Variants in USP4 observed in about 807,000 individuals in gnomAD.
USP4 encodes ubiquitin carboxyl-terminal hydrolase 4.
In USP4, 72 loss-of-function variants were observed where a neutral mutation model predicts 118.2. That is an observed-to-expected ratio of 0.61 (90% confidence interval 0.50 to 0.74). The LOEUF (loss-of-function observed/expected upper bound fraction) is 0.74. Ranked by LOEUF, USP4 falls within the 30% of genes least tolerant of loss-of-function variation. The pLI is 0.00. For synonymous variants in USP4, 415 were observed against 440.4 expected (o/e 0.94, Z 0.72); for missense variants, 1,037 against 1,185.7 (o/e 0.87, Z 1.84).
intron 8 of USP4, among the ~76,000 whole-genome samples, chr3:49,307,207 G>A (rs2047327748): frequency 2.0e-5 from 3 of 152,054 alleles, no homozygotes; most frequent in Admixed American, 6.6e-5. Context: ...CAGCACTCTG[G>A]GAGGCTAAGG....
Position 49,278,888 on chromosome 3 carries a change from T to C in USP4, c.2659A>G (p.Lys887Glu). The C allele has an allele frequency of 6.2e-7, 1 of 1,611,914 alleles. No homozygotes were observed. The highest frequency in any genetic ancestry group is 1.3e-5 in the African/African-American group (1 of 74,952). ...TACCATTTACCATTCAGTTTGTTCT[T>C]CGCATATGCAGTGTCTGCCAAGTCA... ...MGVGHYTAYA[K>E]NKLNGKWYYF... The change falls in exon 21 of 22, where the codon AAG (lysine) becomes GAG (glutamate). Residue 887 changes from lysine to glutamate, a missense_variant. Transcript: ENST00000265560.
At position 49,310,610 on chromosome 3, in the gene USP4, T is replaced by A. The variant is rs757063273; in HGVS notation, c.954+10A>T. ...TGCTGTGTTATTTGAATGGAAGTTC[T>A]CTCCTCTACCTGCAAAGCGGAGTTC... On this transcript the variant is annotated intron_variant, in intron 8 of 21. Transcript: ENST00000265560. 9 of 1,608,188 alleles carry A rather than the reference T, an allele frequency of 5.6e-6. No individual in the cohort carries two copies. The East Asian group carries it at 1.8e-4, about 32-fold the overall frequency.
At position 49,294,392 on chromosome 3, in the gene USP4, A is replaced by G. The variant is rs78802370; in HGVS notation, c.1883+15T>C. On this transcript the variant is annotated intron_variant, in intron 14 of 21. Coordinates refer to ENST00000265560, the MANE Select transcript of USP4 (RefSeq NM_003363.4). ...TCATCTCAGATAACAACCAAATCACATTCCTGCCACCAACCTGATACGATC... is the reference window on the plus strand; with the variant it reads ...TCATCTCAGATAACAACCAAATCACGTTCCTGCCACCAACCTGATACGATC... The G allele has an allele frequency of 8.5e-4, 1,361 of 1,605,768 alleles. 19 individuals carry two copies. The East Asian group carries it at 0.026, about 30-fold the overall frequency.
chr3:49,337,694 C>A (rs1047937648), intron 1 of USP4, among the ~76,000 whole-genome samples: 4 of 152,016 alleles, frequency 2.6e-5, no homozygotes, highest in African/African-American at 9.7e-5. Context: ...GCCTCAGCTT[C>A]CCAAAGTGCT....
At chr3:49,327,845 C>T in intron 2 of USP4, 29 bp from the exon 3 acceptor site, 2 of 1,594,052 alleles carry the variant, frequency 1.3e-6, no homozygotes, top group Non-Finnish European at 1.7e-6. Context: ...ACATAAGTCA[C>T]TGCTCTTTAC....
intron 10 of USP4, among the ~76,000 whole-genome samples, 163 bp from the exon 11 acceptor site, chr3:49,300,854 A>T (rs2047256089): frequency 6.6e-6 from 1 of 152,090 alleles, no homozygotes; most frequent in Non-Finnish European, 1.5e-5. Context: ...AGTGTATCAT[A>T]CTCATACCAC....
intron 15 of USP4, 123 bp downstream of exon 15, chr3:49,292,387 G>T: frequency 1.9e-6 from 1 of 516,626 alleles, no homozygotes; most frequent in Non-Finnish European, 3.4e-6. Context: ...TAACTCTGCT[G>T]CTGTAGGCAG....
chr3:49,339,076 G>A (rs1299286838), intron 1 of USP4, among the ~76,000 whole-genome samples: 3 of 152,212 alleles, frequency 2.0e-5, no homozygotes, highest in Non-Finnish European at 2.9e-5. Context: ...GAACCCGGGA[G>A]GCGGAGGTTG....
intron 15 of USP4, among the ~76,000 whole-genome samples, chr3:49,292,288 GA>G (rs146147164): frequency 2.7e-3 from 287 of 107,910 alleles, no homozygotes; most frequent in East Asian, 7.0e-3. Context: ...CCCCTATCTG[GA>G]AAAAAAAAAA....
intron 13 of USP4, among the ~76,000 whole-genome samples, 183 bp from the exon 14 acceptor site, chr3:49,294,781 C>A (rs1448904853): frequency 5.3e-5 from 8 of 152,158 alleles, no homozygotes; most frequent in Non-Finnish European, 2.9e-5. Context: ...CCTAGAAGGA[C>A]CATTGTCAGC....
At chr3:49,299,825 CTGTCCTAGGTTA>C (rs1390259336) in intron 11 of USP4, among the ~76,000 whole-genome samples, 1 of 152,222 alleles carries the variant, frequency 6.6e-6, no homozygotes, top group East Asian at 1.9e-4. Flanking sequence ...TCTGTACAGG[CTGTCCTAGGTTA>C]TGTGAGGGTA....
intron 7 of USP4, among the ~76,000 whole-genome samples, chr3:49,311,258 A>AC (rs534404209): frequency 6.6e-5 from 10 of 151,308 alleles, no homozygotes; most frequent in East Asian, 3.9e-4. Flanking sequence ...AAATGCAGTG[A>AC]CCCCCCCACC....
At chr3:49,299,633 C>A (rs1448994197) in intron 11 of USP4, among the ~76,000 whole-genome samples, 1 of 152,028 alleles carries the variant, frequency 6.6e-6, no homozygotes, top group Non-Finnish European at 1.5e-5. Flanking sequence ...ACCTCGTGAT[C>A]TGCCCGCCTC....
Position 49,311,599 on chromosome 3 carries a change from GACTTGCTGATGATTTTGGAGAGGT to G in USP4, c.727_750del (p.Thr243_Ser250del). The G allele has an allele frequency of 3.1e-6, 5 of 1,614,036 alleles. No individual in the cohort carries two copies. Among genetic ancestry groups the G allele is most frequent in the Non-Finnish European group, 4.2e-6 (5 of 1,179,956 alleles). On this transcript the variant is annotated inframe_deletion, in exon 7 of 22. Coordinates refer to ENST00000265560, the MANE Select transcript of USP4 (RefSeq NM_003363.4). ...AGAGAGGCAGACACTGAGGAATAGG[GACTTGCTGATGATTTTGGAGAGGT>G]AGTAAAATTTCTGCTAGGCGCAGTG...
At chr3:49,294,375 G>C (rs764825313) in intron 14 of USP4, 32 bp downstream of exon 14, 18 of 1,595,476 alleles carry the variant, frequency 1.1e-5, no homozygotes, top group Non-Finnish European at 1.5e-5. Context: ...CTTCATCTCA[G>C]ATAACAACCA....
At chr3:49,325,143 G>A in intron 4 of USP4, 104 bp from the exon 5 acceptor site, 1 of 1,445,996 alleles carries the variant, frequency 6.9e-7, no homozygotes, top group African/African-American at 1.4e-5. Context: ...ATGCTCACAG[G>A]TGCTCTGGAT....
chr3:49,307,258 G>C (rs2047328627), intron 8 of USP4, among the ~76,000 whole-genome samples: 2 of 151,518 alleles, frequency 1.3e-5, no homozygotes, highest in South Asian at 4.2e-4. Flanking sequence ...GACCTTCCTG[G>C]CCAACATGGT....
chr3:49,286,065 A>G (rs1286376511), intron 16 of USP4, 33 bp downstream of exon 16: 2 of 1,603,934 alleles, frequency 1.2e-6, no homozygotes, highest in Admixed American at 3.3e-5. Context: ...AAGACCCTAA[A>G]GCCCAGCTTG....
chr3:49,281,411 G>A (rs532377621), intron 19 of USP4, among the ~76,000 whole-genome samples: 10 of 150,772 alleles, frequency 6.6e-5, no homozygotes, highest in Non-Finnish European at 1.2e-4. Context: ...AGCCAAGATC[G>A]CACTACTGCA....
Sources: gnomAD v4.1 joint callset for allele counts (sites outside exome capture counted in the v4.1 genomes callset) on GRCh38, gnomAD v4.1.1 for gene constraint, MANE v1.5 for transcripts, NCBI Gene and HGNC (gene_info 2026-07-23, HGNC 2026-07-21) for gene names.